Variants in JARID2 observed in about 807,000 individuals in gnomAD.
JARID2 encodes the protein jumonji and AT-rich interaction domain containing 2, also known as protein Jumonji.
Under a neutral mutation model 125.6 loss-of-function variants are expected in JARID2, and 21 were observed. That is an observed-to-expected ratio of 0.17 (90% CI 0.12 to 0.24). The LOEUF is 0.24. Among genes scored for constraint, JARID2 ranks in the 10% least tolerant of loss-of-function variants. The probability of loss-of-function intolerance (pLI) is 1.00; values close to 1 mark genes in which losing one functional copy is unlikely to be tolerated. For synonymous variants in JARID2, 736 were observed against 661.6 expected (o/e 1.11, Z -1.73); for missense variants, 1,303 against 1,639.6 (o/e 0.79, Z 3.55).
intron 1 of JARID2, among the ~76,000 whole-genome samples, chr6:15,299,964 G>T (rs1761545932): frequency 6.6e-6 from 1 of 152,154 alleles, no homozygotes; most frequent in African/African-American, 2.4e-5. Context: ...GTGGATGTGG[G>T]ATTCTGCATA....
intron 1 of JARID2, among the ~76,000 whole-genome samples, chr6:15,299,005 G>A: frequency 8.8e-6 from 1 of 114,216 alleles, no homozygotes; most frequent in Non-Finnish European, 1.7e-5. Flanking sequence ...GCGGGGGTGG[G>A]GGGCGGGTGG....
chr6:15,481,816 CTTCCAT>C (rs1769630707), intron 5 of JARID2, among the ~76,000 whole-genome samples: 1 of 151,480 alleles, frequency 6.6e-6, no homozygotes, highest in Non-Finnish European at 1.5e-5. Context: ...TTTGAAAACT[CTTCCAT>C]TTCCAGATAT....
chr6:15,246,664 C>T (rs1050860430), intron 1 of JARID2, 80 bp downstream of exon 1: 19 of 1,267,482 alleles, frequency 1.5e-5, no homozygotes, highest in Non-Finnish European at 2.1e-5. Flanking sequence ...GATAATTCTG[C>T]CTCTGAAGGG....
intron 1 of JARID2, among the ~76,000 whole-genome samples, chr6:15,298,524 A>G (rs968714857): frequency 1.3e-5 from 2 of 151,998 alleles, no homozygotes; most frequent in African/African-American, 4.8e-5. Flanking sequence ...TAGGAAAAAT[A>G]CAAAAATTAG....
chr6:15,395,315 A>T (rs1480929244), intron 2 of JARID2, among the ~76,000 whole-genome samples: 2 of 152,054 alleles, frequency 1.3e-5, no homozygotes. Context: ...TGGTGGGGGC[A>T]CGGAGTTTTT....
Position 15,246,222 on chromosome 6 carries a change from G to C in JARID2, c.-318G>C, listed in dbSNP as rs778838387. The C allele has an allele frequency of 6.6e-5, 31 of 471,736 alleles. No individual in the cohort carries two copies. Among genetic ancestry groups the C allele is most frequent in the African/African-American group, 8.1e-5 (4 of 49,104 alleles). The allele number at this position is 471,736 out of a possible 1,614,324, so 29.2% of individuals were successfully genotyped here. A position where few individuals can be genotyped will look rare whatever the true frequency, so the allele number is the denominator to read the frequency against. ...TGATGTAGTTTTTGGAGGAAAAAGG[G>C]GGGGGAGTGAAGGGCGTCGGTTTTT... On this transcript the variant is annotated 5_prime_UTR_variant, in exon 1 of 18. Transcript: ENST00000341776.
At chr6:15,277,885 C>CTT (rs5874505) in intron 1 of JARID2, among the ~76,000 whole-genome samples, 7 of 151,088 alleles carry the variant, frequency 4.6e-5, no homozygotes, top group African/African-American at 7.3e-5. Context: ...AAAAGAAATC[C>CTT]TTTTTTTTGG....
In JARID2 at chr6:15,496,376, C is replaced by T; in HGVS notation, c.1151C>T (p.Ala384Val). 1 of 1,614,122 alleles carries T rather than the reference C, an allele frequency of 6.2e-7. No individual in the cohort carries two copies. The highest frequency in any genetic ancestry group is 8.5e-7 in the Non-Finnish European group (1 of 1,180,032). Residue 384 changes from alanine (A) to valine (V), a missense_variant, in exon 7 of 18, where the codon GCA becomes GTA. Around this residue, in one of 11 missense-constraint regions of JARID2, gnomAD observed 651 missense variants for 581.6 expected, o/e 1.12. Coordinates refer to ENST00000341776, the MANE Select transcript of JARID2 (RefSeq NM_004973.4). Reference protein sequence around the residue: ...TISGKTESSNAKTRKQVLSLG... With the variant: ...TISGKTESSNVKTRKQVLSLG... ...TCAGGGAAAACTGAAAGTAGCAATG[C>T]AAAAACCCGCAAACAGGTGCTATCC...
At position 15,352,299 on chromosome 6, in the gene JARID2, A is replaced by T. The variant is rs573918795; in HGVS notation, c.46-21818A>T. On this transcript the variant is annotated intron_variant, in intron 1 of 17. Transcript: ENST00000341776. Reference sequence around the variant, plus strand: ...AGGAAGGCTCTCTTGTTAAGAAACTATGTAGCCCCCCGCCTCTCCACCCCG... The same window carrying T: ...AGGAAGGCTCTCTTGTTAAGAAACTTTGTAGCCCCCCGCCTCTCCACCCCG... Among the ~76,000 whole-genome samples the T allele has an allele frequency of 1.8e-3, 277 of 151,950 alleles. 1 individual carries two copies. Among genetic ancestry groups the T allele is most frequent in the Non-Finnish European group, 2.1e-3 (144 of 67,868 alleles).
chr6:15,324,833 G>A (rs1762484282), intron 1 of JARID2, among the ~76,000 whole-genome samples: 2 of 150,684 alleles, frequency 1.3e-5, no homozygotes, highest in Admixed American at 6.6e-5. Context: ...GTACGGGTCA[G>A]AGGTGGTTTT....
intron 1 of JARID2, among the ~76,000 whole-genome samples, chr6:15,330,541 T>C (rs887487237): frequency 6.6e-6 from 1 of 152,252 alleles, no homozygotes; most frequent in African/African-American, 2.4e-5. Context: ...GAAATATGAC[T>C]TAGGTTGGCA....
At chr6:15,509,796 G>A (rs899939434) in intron 12 of JARID2, among the ~76,000 whole-genome samples, 1 of 152,226 alleles carries the variant, frequency 6.6e-6, no homozygotes, top group African/African-American at 2.4e-5. Flanking sequence ...TTGAGTCACA[G>A]ATAGCAAAAT....
At chr6:15,256,309 A>C (rs1759663509) in intron 1 of JARID2, among the ~76,000 whole-genome samples, 1 of 152,218 alleles carries the variant, frequency 6.6e-6, no homozygotes, top group South Asian at 2.1e-4. Context: ...ACGGATTAGA[A>C]GGTGATGTAA....
intron 1 of JARID2, among the ~76,000 whole-genome samples, chr6:15,252,756 GT>G (rs139308883): frequency 9.9e-6 from 1 of 100,666 alleles, no homozygotes; most frequent in African/African-American, 3.0e-5. Flanking sequence ...ATTATCTTTC[GT>G]TTTTTTTCCG....
rs533486416 is a variant in JARID2, at chr6:15,483,943, C to T, written c.671-3364C>T. Among the ~76,000 whole-genome samples the T allele has an allele frequency of 1.2e-4, 18 of 152,190 alleles. No individual in the cohort carries two copies. In the South Asian group the frequency reaches 3.5e-3, roughly 30 times the overall value. ...TTATGATATGACTTTACATCCTAGT[C>T]GATGTAAAGTGGTGTATCTCATTAT... On this transcript the variant is annotated intron_variant, in intron 5 of 17. Transcript: ENST00000341776.
chr6:15,517,735 G>A (rs758369183), intron 17 of JARID2, among the ~76,000 whole-genome samples: 1 of 152,306 alleles, frequency 6.6e-6, no homozygotes. Flanking sequence ...CTTCCTGCAG[G>A]TGCCACGCTC....
chr6:15,302,023 G>A (rs141263625), intron 1 of JARID2, among the ~76,000 whole-genome samples: 9 of 152,254 alleles, frequency 5.9e-5, no homozygotes, highest in East Asian at 1.9e-4. Flanking sequence ...GGAGGGAAAC[G>A]TGATACCTTT....
chr6:15,509,744 AG>A (rs1356660831), intron 12 of JARID2, among the ~76,000 whole-genome samples: 1 of 152,228 alleles, frequency 6.6e-6, no homozygotes, highest in Non-Finnish European at 1.5e-5. Context: ...CAGTGACCTC[AG>A]GCCCGAGTTT....
intron 4 of JARID2, among the ~76,000 whole-genome samples, chr6:15,463,730 C>A (rs1403831705): frequency 6.6e-6 from 1 of 152,134 alleles, no homozygotes; most frequent in African/African-American, 2.4e-5. Flanking sequence ...CCCTGCCCAG[C>A]CTGTTCTGTT....
Sources: gnomAD v4.1 joint callset for allele counts (sites outside exome capture counted in the v4.1 genomes callset) on GRCh38, gnomAD v4.1.1 for gene constraint, gnomAD v4.1.1 regional missense constraint, MANE v1.5 for transcripts, NCBI Gene and HGNC (gene_info 2026-07-23, HGNC 2026-07-21) for gene names.